CSMD1: variants seen among roughly 807,000 people sequenced by gnomAD.
CSMD1 encodes the protein CUB and sushi domain-containing protein 1.
Under a neutral mutation model 417.5 loss-of-function variants are expected in CSMD1, and 213 were observed. The observed-to-expected ratio is 0.51, with a 90% CI of 0.46 to 0.57. The LOEUF is 0.57. Among genes scored for constraint, CSMD1 ranks in the 20% least tolerant of loss-of-function variants. The pLI, the probability that CSMD1 is intolerant of heterozygous loss-of-function variation, is 0.00. For missense variants in CSMD1, 6,923 were observed against 4,529.7 expected (o/e 1.53, Z -15.17); for synonymous variants, 2,862 against 1,736.8 (o/e 1.65, Z -16.11).
At chr8:3,315,997 A>C (rs561792502) in intron 23 of CSMD1, among the ~76,000 whole-genome samples, 3 of 152,178 alleles carry the variant, frequency 2.0e-5, no homozygotes, top group Non-Finnish European at 4.4e-5. Flanking sequence ...CAGTGAAATA[A>C]TTCAAATTAT....
intron 1 of CSMD1, among the ~76,000 whole-genome samples, chr8:4,718,372 A>C (rs1808827828): frequency 6.6e-6 from 1 of 152,216 alleles, no homozygotes; most frequent in Non-Finnish European, 1.5e-5. Context: ...AATATACATA[A>C]ATTGGAGTCA....
At chr8:3,098,338 G>C (rs888896437) in intron 46 of CSMD1, among the ~76,000 whole-genome samples, 3 of 152,160 alleles carry the variant, frequency 2.0e-5, no homozygotes, top group African/African-American at 7.2e-5. Flanking sequence ...ACAGATGAGC[G>C]AAGCTTATGA....
At chr8:4,365,330 T>A (rs146593719) in intron 3 of CSMD1, among the ~76,000 whole-genome samples, 73 of 152,356 alleles carry the variant, frequency 4.8e-4, no homozygotes, top group Non-Finnish European at 8.7e-4. Context: ...GTACAACTAA[T>A]TGAAATGCTA....
intron 5 of CSMD1, among the ~76,000 whole-genome samples, chr8:3,976,001 A>C (rs1438376677): frequency 1.3e-5 from 2 of 152,172 alleles, no homozygotes; most frequent in African/African-American, 4.8e-5. Context: ...AACATTTAAA[A>C]TATTATGATC....
At chr8:4,021,076 A>C (rs2130502162) in intron 4 of CSMD1, among the ~76,000 whole-genome samples, 1 of 152,354 alleles carries the variant, frequency 6.6e-6, no homozygotes, top group African/African-American at 2.4e-5. Context: ...TACAAGCATT[A>C]GCAATAATGA....
intron 20 of CSMD1, among the ~76,000 whole-genome samples, chr8:3,360,798 G>C (rs1282211552): frequency 6.6e-6 from 1 of 151,408 alleles, no homozygotes; most frequent in African/African-American, 2.4e-5. Context: ...ATTTTCACTG[G>C]ACATATAAAA....
rs572950806 is a variant in CSMD1, at chr8:3,121,630, C to T, written c.6242-3043G>A. Among the ~76,000 whole-genome samples the T allele has an allele frequency of 2.0e-5, 3 of 152,246 alleles. No homozygotes were observed. The South Asian group carries it at 6.2e-4, about 32-fold the overall frequency. ...AGAGCTCCAGACATCACCTCTTTTA[C>T]CTACTATCTAAAGATGTAAAAGGCT... On this transcript the variant is annotated intron_variant, in intron 41 of 69. Transcript: ENST00000635120.
rs1519173 is a variant in CSMD1 at position 4,128,139 on chromosome 8, C to T, written c.416-96040G>A. 2.6e-3 allele frequency among the ~76,000 whole-genome samples: 389 copies of T among 152,246 alleles called. 2 individuals carry two copies. Among genetic ancestry groups the T allele is most frequent in the Non-Finnish European group, 3.5e-3 (235 of 68,012 alleles). ...CACTGTCAGGCCAGCACTCCCACCC[C>T]CACCTCTGGAGAAAAGTTTGCACTC... On this transcript the variant is annotated intron_variant, in intron 3 of 69. Transcript: ENST00000635120.
At chr8:3,018,054 C>A (rs577353188) in intron 52 of CSMD1, among the ~76,000 whole-genome samples, 101 of 152,218 alleles carry the variant, frequency 6.6e-4, no homozygotes, top group Admixed American at 2.1e-3. Flanking sequence ...AAAAAGAAGA[C>A]TACATTATTG....
chr8:3,926,545 T>C (rs1266540308), intron 5 of CSMD1, among the ~76,000 whole-genome samples: 1 of 151,926 alleles, frequency 6.6e-6, no homozygotes, highest in African/African-American at 2.4e-5. Context: ...TAATTGTTTC[T>C]TTTTTGATTT....
At chr8:4,811,441 T>G (rs573557647) in intron 1 of CSMD1, among the ~76,000 whole-genome samples, 1 of 152,320 alleles carries the variant, frequency 6.6e-6, no homozygotes, top group East Asian at 1.9e-4. Flanking sequence ...GCTATTTGAT[T>G]ATTTTTGTTC....
Position 3,773,583 on chromosome 8 carries a change from G to A in CSMD1, c.819-19541C>T, listed in dbSNP as rs76088918. On this transcript the variant is annotated intron_variant, in intron 5 of 69. Coordinates refer to ENST00000635120, the MANE Select transcript of CSMD1 (RefSeq NM_033225.6). ...ATTACAGGCATGAGCCACCACACCC[G>A]TCCTATAATAGGTATTTAGTGAAGA... Among the ~76,000 whole-genome samples, 980 of 152,170 alleles carry A rather than the reference G, an allele frequency of 6.4e-3. 5 individuals are homozygous for A. The highest frequency in any genetic ancestry group is 0.019 in the African/African-American group (797 of 41,524).
chr8:3,368,597 C>G (rs1175272035), intron 19 of CSMD1, among the ~76,000 whole-genome samples: 1 of 152,144 alleles, frequency 6.6e-6, no homozygotes, highest in Admixed American at 6.5e-5. Flanking sequence ...TCTTGGCCTC[C>G]CGAACTGCTG....
chr8:4,164,523 T>G (rs750106948), intron 3 of CSMD1, among the ~76,000 whole-genome samples: 12 of 152,224 alleles, frequency 7.9e-5, no homozygotes, highest in Non-Finnish European at 1.6e-4. Context: ...TCCCCAGGCG[T>G]AAATCTAGAT....
rs1807781767 is a variant in CSMD1 at position 3,343,314 on chromosome 8, C to A, written c.3611G>T (p.Gly1204Val). 1.2e-6 allele frequency: 2 copies of A among 1,613,502 alleles called. No homozygotes were observed. Among genetic ancestry groups the A allele is most frequent in the Admixed American group, 1.7e-5 (1 of 59,982 alleles). The change falls in exon 23 of 70, where the codon GGT becomes GTT. Residue 1204 changes from glycine to valine, a missense_variant. Transcript: ENST00000635120. ...CTTACTGGTATAGGTGAGTTGAAAA[C>A]CTTGGTCGGTGTCAGATCCATTGGT... is the stretch of plus-strand genomic sequence containing the variant. ...FNTNGSDTDQ[G>V]FQLTYTSFDL...
At chr8:3,986,514 T>G (rs1199395151) in intron 5 of CSMD1, among the ~76,000 whole-genome samples, 1 of 152,162 alleles carries the variant, frequency 6.6e-6, no homozygotes, top group Non-Finnish European at 1.5e-5. Context: ...ATCCTTCTCC[T>G]TTCTTTTTCT....
chr8:3,902,465 T>A (rs941729875), intron 5 of CSMD1, among the ~76,000 whole-genome samples: 6 of 152,108 alleles, frequency 3.9e-5, no homozygotes, highest in Admixed American at 3.9e-4. Context: ...TTTTTTTCCA[T>A]GGACTCAAGT....
chr8:4,278,112 T>G (rs1796586744), intron 3 of CSMD1, among the ~76,000 whole-genome samples: 1 of 152,178 alleles, frequency 6.6e-6, no homozygotes, highest in South Asian at 2.1e-4. Flanking sequence ...ATGGTTCTCT[T>G]TCTCCTTATG....
intron 3 of CSMD1, among the ~76,000 whole-genome samples, chr8:4,385,216 C>T (rs1803368912): frequency 6.6e-6 from 1 of 152,194 alleles, no homozygotes; most frequent in Non-Finnish European, 1.5e-5. Context: ...GCATGAGCCA[C>T]TGCACCCGGC....
Sources: gnomAD v4.1 joint callset for allele counts (sites outside exome capture counted in the v4.1 genomes callset) on GRCh38, gnomAD v4.1.1 for gene constraint, MANE v1.5 for transcripts, NCBI Gene and HGNC (gene_info 2026-07-23, HGNC 2026-07-21) for gene names.